The following APBB2 variants were observed in gnomAD, a reference collection of about 807,000 sequenced individuals.
The protein encoded by APBB2 is amyloid beta precursor protein binding family B member 2.
In APBB2, 38 loss-of-function variants were observed where a neutral mutation model predicts 82.5. The ratio of observed to expected loss-of-function variants is 0.46; its 90% CI spans 0.36 to 0.60. The LOEUF (loss-of-function observed/expected upper bound fraction) is 0.60, where lower values mean the gene tolerates loss of function less well. Among genes scored for constraint, APBB2 ranks in the 20% least tolerant of loss-of-function variants. APBB2 has a pLI of 0.00. For synonymous variants in APBB2, 341 were observed against 368.2 expected (o/e 0.93, Z 0.85); for missense variants, 772 against 972.3 (o/e 0.79, Z 2.74).
chr4:41,030,438 G>A (rs2154440763), intron 5 of APBB2, among the ~76,000 whole-genome samples: 1 of 152,138 alleles, frequency 6.6e-6, no homozygotes, highest in South Asian at 2.1e-4. Context: ...TGTTGCCCAG[G>A]CTGGAGTGCA....
chr4:41,063,950 A>T (rs373999166), intron 4 of APBB2, among the ~76,000 whole-genome samples: 47 of 91,770 alleles, frequency 5.1e-4, no homozygotes, highest in Admixed American at 7.7e-4. Context: ...AAATGCTGGG[A>T]TTTTTTTTTT....
intron 1 of APBB2, among the ~76,000 whole-genome samples, chr4:41,188,076 C>T (rs1773410585): frequency 6.6e-6 from 1 of 152,164 alleles, no homozygotes; most frequent in African/African-American, 2.4e-5. Flanking sequence ...CATTAAAGTG[C>T]CTATAAACTG....
rs1356342233 is a variant in APBB2 at position 40,832,137 on chromosome 4, T to C, written c.1530-1560A>G. ...TAAGCCAGGATACTGTCTGGAGATA[T>C]AACTACAGAGGAATTTTTAAATTAT... On this transcript the variant is annotated intron_variant, in intron 12 of 17. Transcript: ENST00000508593. The surrounding 1 kb of genome is among the most constrained non-coding windows in gnomAD (Gnocchi z 4.8). Among the ~76,000 whole-genome samples, 4 of 151,998 alleles carry C rather than the reference T, an allele frequency of 2.6e-5. No homozygotes were observed. Among genetic ancestry groups the C allele is most frequent in the South Asian group, 4.2e-4 (2 of 4,816 alleles).
intron 10 of APBB2, among the ~76,000 whole-genome samples, chr4:40,906,828 C>T (rs1429405510): frequency 6.6e-6 from 1 of 152,150 alleles, no homozygotes; most frequent in Non-Finnish European, 1.5e-5. Flanking sequence ...GATAAGCAAA[C>T]AGACTCCTGG....
At chr4:41,173,033 CT>C (rs775923968) in intron 1 of APBB2, among the ~76,000 whole-genome samples, 1 of 152,206 alleles carries the variant, frequency 6.6e-6, no homozygotes, top group South Asian at 2.1e-4. Context: ...GTCATCTTCT[CT>C]TTCAAAATTC....
intron 1 of APBB2, among the ~76,000 whole-genome samples, chr4:41,188,149 G>T (rs1210998498): frequency 1.3e-5 from 2 of 152,174 alleles, no homozygotes; most frequent in Non-Finnish European, 2.9e-5. Context: ...TTGGCTTGTA[G>T]AAAAGAAAAT....
intron 17 of APBB2, among the ~76,000 whole-genome samples, chr4:40,821,647 G>C (rs1021620591): frequency 1.3e-5 from 2 of 152,148 alleles, no homozygotes; most frequent in South Asian, 4.1e-4. Context: ...GAAACTCATC[G>C]GAGCCTCTAT....
In APBB2 at chr4:41,048,258, G is replaced by A. The variant is rs191856373; in HGVS notation, c.-50-14954C>T. On this transcript the variant is annotated intron_variant, in intron 4 of 17. Transcript: ENST00000508593. ...TAAATTTTGGAGCATTTCAGATTTTGGAGTTTTGGGTTTGGGATGTTCAAC... is the reference window on the plus strand; with the variant it reads ...TAAATTTTGGAGCATTTCAGATTTTAGAGTTTTGGGTTTGGGATGTTCAAC... 6.7e-3 allele frequency among the ~76,000 whole-genome samples: 1,016 copies of A among 152,246 alleles called. 15 individuals are homozygous for A. Among genetic ancestry groups the A allele is most frequent in the African/African-American group, 0.022 (906 of 41,540 alleles).
chr4:41,163,059 G>A (rs542633072), intron 1 of APBB2, among the ~76,000 whole-genome samples: 1 of 152,278 alleles, frequency 6.6e-6, no homozygotes, highest in African/African-American at 2.4e-5. Flanking sequence ...GACTCTAGAA[G>A]AATTTCCAGG....
chr4:40,856,870 C>T, intron 12 of APBB2: 1 of 899,430 alleles, frequency 1.1e-6, no homozygotes, highest in African/African-American at 1.8e-5. Flanking sequence ...AGGCAACTCG[C>T]TAAGCGCTGA....
intron 2 of APBB2, among the ~76,000 whole-genome samples, chr4:41,123,011 G>GTCT (rs1193355482): frequency 6.6e-6 from 1 of 152,094 alleles, no homozygotes; most frequent in Non-Finnish European, 1.5e-5. Flanking sequence ...CACCTCCTGA[G>GTCT]TCTTCATGTC....
At chr4:41,133,148 A>G (rs760193253) in intron 2 of APBB2, among the ~76,000 whole-genome samples, 76 of 152,198 alleles carry the variant, frequency 5.0e-4, no homozygotes, top group Admixed American at 7.9e-4. Flanking sequence ...ATGTACACGT[A>G]AGTGTGTATA....
chr4:40,826,133 T>C lies in APBB2; in HGVS notation c.1733-163A>G, dbSNP rs1325834255. On this transcript the variant is annotated intron_variant, in intron 14 of 17. Transcript: ENST00000508593. The surrounding 1 kb of genome is among the most constrained non-coding windows in gnomAD (Gnocchi z 4.5). ...AACTATTCTACAAGAGCAGCATTAC[T>C]CCAGATATTGGGGCTCTGTTAAAAT... The C allele has an allele frequency of 1.6e-6, 1 of 620,902 alleles. No homozygotes were observed. The highest frequency in any genetic ancestry group is 1.8e-5 in the African/African-American group (1 of 54,198). 38.5% of individuals were successfully genotyped at this position (620,902 alleles called of 1,614,324 possible). A position where few individuals can be genotyped will look rare whatever the true frequency, so the allele number is the denominator to read the frequency against.
intron 2 of APBB2, among the ~76,000 whole-genome samples, chr4:41,124,378 C>T (rs1240227736): frequency 2.0e-5 from 3 of 152,090 alleles, no homozygotes; most frequent in Non-Finnish European, 2.9e-5. Context: ...ACCACCATGC[C>T]CGGCTAATTT....
At chr4:40,936,151 A>G (rs779113345) in intron 7 of APBB2, among the ~76,000 whole-genome samples, 2 of 152,368 alleles carry the variant, frequency 1.3e-5, no homozygotes, top group Non-Finnish European at 1.5e-5. Context: ...GTGAATAATG[A>G]CCCATAACTT....
chr4:41,195,887 T>G lies in APBB2; in HGVS notation c.-417+18518A>C. On this transcript the variant is annotated intron_variant, in intron 1 of 17. Coordinates refer to ENST00000508593, the MANE Select transcript of APBB2 (RefSeq NM_004307.2). ...TTTAAAAATCACATCCCGGCCAGGC[T>G]CAGTGGCTCATGCCTGTAATCCCAG... 3.2e-3 allele frequency among the ~76,000 whole-genome samples: 485 copies of G among 152,176 alleles called. 7 individuals are homozygous for G. The highest frequency in any genetic ancestry group is 0.011 in the African/African-American group (466 of 41,508).
rs1378108212 is a variant in APBB2 at position 41,088,406 on chromosome 4, T to C, written c.-149+12233A>G. 2.0e-5 allele frequency among the ~76,000 whole-genome samples: 3 copies of C among 152,248 alleles called. 1 individual carries two copies. The highest frequency in any genetic ancestry group is 7.2e-5 in the African/African-American group (3 of 41,472). ...TTCCTAGGATTATATGGGGAGCTTC[T>C]GTACTGATACTAGACTTTTTGACAG... On this transcript the variant is annotated intron_variant, in intron 3 of 17. Transcript: ENST00000508593.
chr4:41,151,006 G>A (rs1232390290), intron 1 of APBB2, among the ~76,000 whole-genome samples: 1 of 152,014 alleles, frequency 6.6e-6, no homozygotes, highest in Non-Finnish European at 1.5e-5. Context: ...TCAAAGCGCT[G>A]GCCCAGACCT....
chr4:40,885,898 T>A (rs1770080597), intron 12 of APBB2, among the ~76,000 whole-genome samples: 1 of 152,186 alleles, frequency 6.6e-6, no homozygotes, highest in Non-Finnish European at 1.5e-5. Flanking sequence ...CCCAGTGTAC[T>A]TGGTTTAACT....
Sources: gnomAD v4.1 joint callset for allele counts (sites outside exome capture counted in the v4.1 genomes callset) on GRCh38, gnomAD v4.1.1 for gene constraint, Gnocchi (gnomAD v3.1) non-coding constraint, MANE v1.5 for transcripts, NCBI Gene and HGNC (gene_info 2026-07-23, HGNC 2026-07-21) for gene names.